The following BLOC1S5 variants were observed in gnomAD, a reference collection of about 807,000 sequenced individuals.
The protein encoded by BLOC1S5 is biogenesis of lysosome-related organelles complex 1 subunit 5.
A neutral mutation model predicts 24.3 loss-of-function variants in BLOC1S5; 27 were observed. The ratio of observed to expected loss-of-function variants is 1.11; its 90% CI spans 0.82 to 1.53. BLOC1S5 has a LOEUF of 1.53. BLOC1S5 is among the 40% of genes most tolerant of loss of function. The probability of loss-of-function intolerance (pLI) is 0.00; values close to 1 mark genes in which losing one functional copy is unlikely to be tolerated. For missense variants in BLOC1S5, 239 were observed against 229.4 expected (o/e 1.04, Z -0.27); for synonymous variants, 84 against 74.5 (o/e 1.13, Z -0.66).
rs185041883 is a variant in BLOC1S5 at position 8,039,004 on chromosome 6, T to G, written c.325+2135A>C. On this transcript the variant is annotated intron_variant, in intron 3 of 4. Coordinates refer to ENST00000397457, the MANE Select transcript of BLOC1S5 (RefSeq NM_201280.3). ...AAGAAAAGGAGAGAGACATCTGCAC[T>G]TACGTGTTTATTGAAGCACTAGCCA... 2.6e-5 allele frequency among the ~76,000 whole-genome samples: 4 copies of G among 152,320 alleles called. No individual in the cohort carries two copies. The East Asian group carries it at 7.7e-4, about 29-fold the overall frequency.
At chr6:8,028,108 T>A (rs1348942195) in intron 3 of BLOC1S5, among the ~76,000 whole-genome samples, 1 of 152,108 alleles carries the variant, frequency 6.6e-6, no homozygotes, top group Non-Finnish European at 1.5e-5. Flanking sequence ...TGTCTAATTG[T>A]TTTACAATTA....
intron 4 of BLOC1S5, among the ~76,000 whole-genome samples, chr6:8,018,799 C>T (rs1247027759): frequency 6.6e-6 from 1 of 152,210 alleles, no homozygotes; most frequent in African/African-American, 2.4e-5. Flanking sequence ...GATCACTCCA[C>T]TTTTATCCCC....
At chr6:8,063,034 T>C (rs1757319846) in intron 1 of BLOC1S5, among the ~76,000 whole-genome samples, 1 of 151,908 alleles carries the variant, frequency 6.6e-6, no homozygotes, top group South Asian at 2.1e-4. Flanking sequence ...AACATAAATA[T>C]AAAAAATAAT....
chr6:8,027,875 A>C (rs1763163719), intron 3 of BLOC1S5, among the ~76,000 whole-genome samples: 1 of 152,008 alleles, frequency 6.6e-6, no homozygotes. Context: ...ATTGTCACCA[A>C]TATTCTATTT....
At chr6:8,023,915 T>C (rs545562599) in intron 4 of BLOC1S5, among the ~76,000 whole-genome samples, 15 of 152,158 alleles carry the variant, frequency 9.9e-5, no homozygotes, top group African/African-American at 3.6e-4. Context: ...AAGCTACATA[T>C]GGCAGTAAAA....
At chr6:8,021,331 G>A (rs1012414020) in intron 4 of BLOC1S5, among the ~76,000 whole-genome samples, 1 of 152,232 alleles carries the variant, frequency 6.6e-6, no homozygotes, top group Non-Finnish European at 1.5e-5. Flanking sequence ...GGGTGCGGTG[G>A]CTCACGCCTG....
At chr6:8,035,396 C>T (rs1763454039) in intron 3 of BLOC1S5, among the ~76,000 whole-genome samples, 1 of 150,030 alleles carries the variant, frequency 6.7e-6, no homozygotes, top group African/African-American at 2.5e-5. Flanking sequence ...AAATAAGACC[C>T]ACCTCTATAC....
chr6:8,026,759 C>T (rs774632204), intron 3 of BLOC1S5, among the ~76,000 whole-genome samples: 1 of 152,196 alleles, frequency 6.6e-6, no homozygotes. Context: ...TTCTACTATT[C>T]TTGCCTGTGC....
Position 8,023,589 on chromosome 6 carries a change from C to CAA in BLOC1S5, c.384+2776_384+2777dup, listed in dbSNP as rs34908120. ...TGGGTGACGGAGTGAGACTCCATCT[C>CAA]AAAAAAAAAAAAGAATTAATGAGTA... On this transcript the variant is annotated intron_variant, in intron 4 of 4. Coordinates refer to ENST00000397457, the MANE Select transcript of BLOC1S5 (RefSeq NM_201280.3). 8.6e-4 allele frequency among the ~76,000 whole-genome samples: 124 copies of CAA among 143,594 alleles called. 1 individual carries two copies. Among genetic ancestry groups the CAA allele is most frequent in the East Asian group, 2.2e-3 (11 of 4,966 alleles). The allele number at this position is 143,594 out of a possible 152,430, so 94.2% of individuals were successfully genotyped here.
chr6:8,047,801 T>C (rs1388051613), intron 2 of BLOC1S5, among the ~76,000 whole-genome samples: 1 of 152,182 alleles, frequency 6.6e-6, no homozygotes, highest in Non-Finnish European at 1.5e-5. Context: ...TTGCAAGAAT[T>C]TTTCAGACAT....
intron 4 of BLOC1S5, among the ~76,000 whole-genome samples, chr6:8,019,179 T>C (rs1762834382): frequency 6.6e-6 from 1 of 152,186 alleles, no homozygotes; most frequent in Non-Finnish European, 1.5e-5. Context: ...AAAAATCTAG[T>C]TTTGCTCCCT....
intron 1 of BLOC1S5, 119 bp downstream of exon 1, chr6:8,064,146 C>G: frequency 1.3e-6 from 1 of 787,316 alleles, no homozygotes; most frequent in Non-Finnish European, 1.9e-6. Context: ...ACTCCCCCAC[C>G]CGCACAAACG....
At chr6:8,038,501 T>TA (rs1763565904) in intron 3 of BLOC1S5, among the ~76,000 whole-genome samples, 1 of 152,084 alleles carries the variant, frequency 6.6e-6, no homozygotes, top group Non-Finnish European at 1.5e-5. Context: ...ATTAATTAAT[T>TA]ATTGACGGAG....
intron 2 of BLOC1S5, among the ~76,000 whole-genome samples, chr6:8,047,160 T>TCTCACACACACACA (rs1475934039): frequency 7.9e-6 from 1 of 126,920 alleles, no homozygotes; most frequent in African/African-American, 3.2e-5. Flanking sequence ...TCTCTCTCTC[T>TCTCACACACACACA]CACACACACA....
At chr6:8,029,670 C>T (rs1763231627) in intron 3 of BLOC1S5, among the ~76,000 whole-genome samples, 1 of 152,182 alleles carries the variant, frequency 6.6e-6, no homozygotes, top group South Asian at 2.1e-4. Flanking sequence ...TTCCCCAGGT[C>T]CCCTGGGAAC....
At position 8,057,708 on chromosome 6, in the gene BLOC1S5, G is replaced by A. The variant is rs545181063; in HGVS notation, c.195+4826C>T. Reference sequence around the variant, plus strand: ...CAAGTGAAATTCCTGTGCTGCCTTTGGAGGAATTTTCTCTTGATCAATTTA... The same window carrying A: ...CAAGTGAAATTCCTGTGCTGCCTTTAGAGGAATTTTCTCTTGATCAATTTA... On this transcript the variant is annotated intron_variant, in intron 2 of 4. Transcript: ENST00000397457. Among the ~76,000 whole-genome samples the A allele has an allele frequency of 3.9e-5, 6 of 152,244 alleles. No individual in the cohort carries two copies. The South Asian group carries it at 8.3e-4, about 21-fold the overall frequency.
intron 3 of BLOC1S5, 130 bp from the exon 4 acceptor site, chr6:8,026,555 T>G: frequency 1.4e-6 from 1 of 711,834 alleles, no homozygotes; most frequent in African/African-American, 1.8e-5. Flanking sequence ...AGAACTGATA[T>G]TATTTTGGTG....
chr6:8,061,352 C>T (rs1315734110), intron 2 of BLOC1S5, among the ~76,000 whole-genome samples: 3 of 152,094 alleles, frequency 2.0e-5, no homozygotes, highest in East Asian at 3.8e-4. Context: ...TACTGCTTAA[C>T]GAACAATGAA....
At chr6:8,038,613 T>C (rs1040931865) in intron 3 of BLOC1S5, among the ~76,000 whole-genome samples, 2 of 152,092 alleles carry the variant, frequency 1.3e-5, no homozygotes, top group South Asian at 4.1e-4. Flanking sequence ...GCCTCCTGAG[T>C]AGCTGGGACT....
Sources: gnomAD v4.1 joint callset for allele counts (sites outside exome capture counted in the v4.1 genomes callset) on GRCh38, gnomAD v4.1.1 for gene constraint, MANE v1.5 for transcripts, NCBI Gene and HGNC (gene_info 2026-07-23, HGNC 2026-07-21) for gene names.